UCK2: variants seen among roughly 807,000 people sequenced by gnomAD.
UCK2 encodes the protein cytidine monophosphokinase 2.
Under a neutral mutation model 30.8 loss-of-function variants are expected in UCK2, and 6 were observed. The observed-to-expected ratio is 0.19, with a 90% CI of 0.11 to 0.38. The LOEUF (loss-of-function observed/expected upper bound fraction) is 0.38. UCK2 is among the 10% of genes least tolerant of loss of function. The pLI is 1.00. For synonymous variants in UCK2, 125 were observed against 133.6 expected, an observed-to-expected ratio of 0.94 and a Z score of 0.45; for missense variants, 210 against 339.8, an observed-to-expected ratio of 0.62 and a Z score of 3.00.
At chr1:165,855,406 TCA>T (rs1350830709) in intron 1 of UCK2, among the ~76,000 whole-genome samples, 1 of 152,176 alleles carries the variant, frequency 6.6e-6, no homozygotes, top group Non-Finnish European at 1.5e-5. Context: ...TCAGGACAGC[TCA>T]CACAGTTTTT....
At chr1:165,880,898 G>A (rs897951701) in intron 1 of UCK2, among the ~76,000 whole-genome samples, 5 of 151,932 alleles carry the variant, frequency 3.3e-5, no homozygotes, top group Admixed American at 2.6e-4. Flanking sequence ...CAGGCTGGGC[G>A]TGGTGGCTCA....
chr1:165,871,657 A>C (rs1655198896), intron 1 of UCK2, among the ~76,000 whole-genome samples: 1 of 152,150 alleles, frequency 6.6e-6, no homozygotes, highest in East Asian at 1.9e-4. Context: ...TGGGAGCTGA[A>C]GGCAAAGAAA....
intron 3 of UCK2, among the ~76,000 whole-genome samples, chr1:165,895,262 A>T (rs1655870255): frequency 6.6e-6 from 1 of 151,974 alleles, no homozygotes; most frequent in Non-Finnish European, 1.5e-5. Flanking sequence ...AAAAATACAA[A>T]AATTAGCCTG....
chr1:165,881,740 T>C (rs1655506001), intron 1 of UCK2, among the ~76,000 whole-genome samples: 3 of 152,252 alleles, frequency 2.0e-5, no homozygotes, highest in African/African-American at 7.2e-5. Flanking sequence ...TCAGTTAATT[T>C]TGAACCACTT....
intron 4 of UCK2, among the ~76,000 whole-genome samples, chr1:165,898,354 G>T (rs1347239281): frequency 2.6e-5 from 4 of 152,236 alleles, no homozygotes; most frequent in African/African-American, 9.6e-5. Flanking sequence ...GTGAAGATGA[G>T]AGGTAGTGCA....
chr1:165,831,018 G>A (rs2101846123), intron 1 of UCK2, among the ~76,000 whole-genome samples: 1 of 152,152 alleles, frequency 6.6e-6, no homozygotes, highest in East Asian at 1.9e-4. Context: ...TGAGGTGGGA[G>A]GAATGCTTGA....
intron 6 of UCK2, 64 bp downstream of exon 6, chr1:165,906,033 G>A: frequency 6.6e-7 from 1 of 1,516,116 alleles, no homozygotes; most frequent in Non-Finnish European, 9.1e-7. Context: ...ATAATTTGGG[G>A]CAGGATGTGG....
At position 165,910,846 on chromosome 1, in the gene UCK2, G is replaced by T. The variant is rs1365651444; in HGVS notation, c.*3023G>T. 1 of 152,254 alleles carries T rather than the reference G, an allele frequency of 6.6e-6. No individual in the cohort carries two copies. 9.4% of individuals were successfully genotyped at this position (152,254 alleles called of 1,614,324 possible). A position where few individuals can be genotyped will look rare whatever the true frequency, so the allele number is the denominator to read the frequency against. On this transcript the variant is annotated 3_prime_UTR_variant, in exon 7 of 7. Coordinates refer to ENST00000367879, the MANE Select transcript of UCK2 (RefSeq NM_012474.5). ...GCAATCATGGGGAAGTTGACTCCCC[G>T]CCTCACTTGGGCTTGGAGCTGGATA...
At chr1:165,878,065 A>G (rs1263230787) in intron 1 of UCK2, among the ~76,000 whole-genome samples, 2 of 152,154 alleles carry the variant, frequency 1.3e-5, no homozygotes, top group Admixed American at 6.6e-5. Context: ...GTATGATAAC[A>G]TGTTATCCAC....
rs758851382 is a variant in UCK2 at position 165,907,799 on chromosome 1, G to A, written c.762G>A (p.Ser254=). The change falls in exon 7 of 7, where the codon TCG becomes TCA. Residue 254 remains serine, a synonymous_variant. Transcript: ENST00000367879. ...GYTPSRKRQA[S]ESSSRPH ...CCCCTTCACGCAAGAGGCAGGCATC[G>A]GAGTCCAGCAGCAGGCCGCATTGAC... 4.3e-6 allele frequency: 7 copies of A among 1,614,030 alleles called. No individual in the cohort carries two copies. The highest frequency in any genetic ancestry group is 1.1e-5 in the South Asian group (1 of 91,080).
intron 1 of UCK2, among the ~76,000 whole-genome samples, chr1:165,887,762 C>G (rs1486366516): frequency 2.4e-5 from 3 of 126,554 alleles, no homozygotes; most frequent in African/African-American, 8.3e-5. Context: ...TTGCTTAGAG[C>G]CTTTGATTTC....
At chr1:165,853,907 G>A (rs1654661464) in intron 1 of UCK2, among the ~76,000 whole-genome samples, 1 of 152,146 alleles carries the variant, frequency 6.6e-6, no homozygotes, top group African/African-American at 2.4e-5. Context: ...TCCACTCATG[G>A]GAGCAGCTGT....
At chr1:165,844,623 C>G (rs867278060) in intron 1 of UCK2, among the ~76,000 whole-genome samples, 15 of 152,262 alleles carry the variant, frequency 9.9e-5, no homozygotes, top group Middle Eastern at 3.4e-3. Context: ...AGGGAACGAA[C>G]CGCGTGATTA....
At chr1:165,835,831 A>C (rs1654174385) in intron 1 of UCK2, among the ~76,000 whole-genome samples, 1 of 152,096 alleles carries the variant, frequency 6.6e-6, no homozygotes, top group African/African-American at 2.4e-5. Context: ...ATCACACGTG[A>C]CAGAAGTATA....
At chr1:165,841,300 A>G (rs984900737) in intron 1 of UCK2, among the ~76,000 whole-genome samples, 1 of 151,368 alleles carries the variant, frequency 6.6e-6, no homozygotes, top group African/African-American at 2.4e-5. Context: ...TCTTGTGCCT[A>G]AGCCTCCCGA....
intron 1 of UCK2, among the ~76,000 whole-genome samples, chr1:165,888,509 C>T (rs1372239593): frequency 1.3e-5 from 2 of 152,082 alleles, no homozygotes; most frequent in Non-Finnish European, 2.9e-5. Flanking sequence ...CCAGGCTAGT[C>T]TCAAACTGAC....
intron 1 of UCK2, among the ~76,000 whole-genome samples, chr1:165,878,477 C>T (rs765659819): frequency 5.9e-5 from 9 of 151,958 alleles, no homozygotes; most frequent in African/African-American, 1.2e-4. Flanking sequence ...ACTACAGGTG[C>T]GTGCCACCAT....
chr1:165,872,376 T>C (rs1655219070), intron 1 of UCK2, among the ~76,000 whole-genome samples: 1 of 152,156 alleles, frequency 6.6e-6, no homozygotes, highest in African/African-American at 2.4e-5. Context: ...TGCCTGGCCG[T>C]CTTTTAGGCA....
At chr1:165,881,705 G>GAGA (rs1655504871) in intron 1 of UCK2, among the ~76,000 whole-genome samples, 1 of 152,206 alleles carries the variant, frequency 6.6e-6, no homozygotes, top group Admixed American at 6.5e-5. Context: ...AGCATGTTCT[G>GAGA]TGTGTTAGCT....
Sources: allele counts gnomAD v4.1 joint callset (sites outside exome capture counted in the v4.1 genomes callset), GRCh38; gene constraint gnomAD v4.1.1; transcripts MANE v1.5; gene names NCBI Gene and HGNC (gene_info 2026-07-23, HGNC 2026-07-21).